The following IGF1R variants were observed in gnomAD, a reference collection of about 807,000 sequenced individuals.
The protein encoded by IGF1R is insulin-like growth factor 1 receptor.
A neutral mutation model predicts 144.6 loss-of-function variants in IGF1R; 44 were observed. That is an observed-to-expected ratio of 0.30 (90% CI 0.24 to 0.39). IGF1R has a LOEUF of 0.39. Among genes scored for constraint, IGF1R ranks in the 10% least tolerant of loss-of-function variants. The pLI is 1.00. For synonymous variants in IGF1R, 795 were observed against 722.8 expected, an observed-to-expected ratio of 1.10 and a Z score of -1.60; for missense variants, 1,355 against 1,833.7, an observed-to-expected ratio of 0.74 and a Z score of 4.77.
chr15:98,907,031 G>C (rs1455606873), intron 5 of IGF1R, among the ~76,000 whole-genome samples: 1 of 152,226 alleles, frequency 6.6e-6, no homozygotes, highest in Non-Finnish European at 1.5e-5. Flanking sequence ...TCTTAAAGTA[G>C]ACAGGGAGCT....
chr15:98,926,693 A>G lies in IGF1R; in HGVS notation c.2782+2009A>G, dbSNP rs924913358. On this transcript the variant is annotated intron_variant, in intron 13 of 20. Coordinates refer to ENST00000650285, the MANE Select transcript of IGF1R (RefSeq NM_000875.5). ...TCCTAATACAGACAGCAAAAGCAGG[A>G]TGGGGTGAATAGAACTGCAAATCTT... Among the ~76,000 whole-genome samples, 43 of 152,362 alleles carry G rather than the reference A, an allele frequency of 2.8e-4. 1 individual carries two copies. Among genetic ancestry groups the G allele is most frequent in the African/African-American group, 1.0e-3 (43 of 41,584 alleles).
At chr15:98,885,392 A>G (rs1185167200) in intron 2 of IGF1R, among the ~76,000 whole-genome samples, 2 of 151,712 alleles carry the variant, frequency 1.3e-5, no homozygotes, top group Non-Finnish European at 2.9e-5. Context: ...GCTTGCCCTC[A>G]CCCCTCTCCC....
intron 2 of IGF1R, among the ~76,000 whole-genome samples, chr15:98,776,766 T>C (rs1041126820): frequency 2.6e-5 from 4 of 152,120 alleles, no homozygotes; most frequent in African/African-American, 9.7e-5. Flanking sequence ...AGCAGCTGTT[T>C]GGTCTGTGCC....
rs2012760839 is a variant in IGF1R, at chr15:98,871,113, C to T, written c.641-20212C>T. On this transcript the variant is annotated intron_variant, in intron 2 of 20. Coordinates refer to ENST00000650285, the MANE Select transcript of IGF1R (RefSeq NM_000875.5). ...ATGTTCTTGCTTGCAACTCAGATAT[C>T]CAGCCCACTGATCCAGGAAGAGATT... Among the ~76,000 whole-genome samples, 4 of 152,230 alleles carry T rather than the reference C, an allele frequency of 2.6e-5. No individual in the cohort carries two copies. The South Asian group carries it at 6.2e-4, about 24-fold the overall frequency.
intron 17 of IGF1R, among the ~76,000 whole-genome samples, chr15:98,937,550 A>C (rs935994455): frequency 6.6e-6 from 1 of 152,212 alleles, no homozygotes; most frequent in East Asian, 1.9e-4. Flanking sequence ...AAGTATTAAA[A>C]TGTGTGCACT....
At chr15:98,857,495 A>T (rs1381471783) in intron 2 of IGF1R, among the ~76,000 whole-genome samples, 2 of 152,248 alleles carry the variant, frequency 1.3e-5, no homozygotes, top group Non-Finnish European at 2.9e-5. Context: ...CTGGGATTAC[A>T]GGCGTGAGCC....
intron 1 of IGF1R, among the ~76,000 whole-genome samples, chr15:98,657,743 C>T (rs1248030704): frequency 6.6e-6 from 1 of 152,224 alleles, no homozygotes; most frequent in Non-Finnish European, 1.5e-5. Context: ...GATTTTCTTT[C>T]TCACATGCAC....
At chr15:98,803,598 A>T (rs943448421) in intron 2 of IGF1R, among the ~76,000 whole-genome samples, 2 of 151,730 alleles carry the variant, frequency 1.3e-5, no homozygotes, top group Non-Finnish European at 2.9e-5. Context: ...CTCGACCGCC[A>T]AGGCTCAAGC....
chr15:98,880,870 C>T (rs1294682424), intron 2 of IGF1R: 1 of 152,184 alleles, frequency 6.6e-6, no homozygotes, highest in Admixed American at 6.5e-5. Flanking sequence ...GCAAATATAA[C>T]CATATGTAAG....
At chr15:98,669,884 A>AAT (rs1222672078) in intron 1 of IGF1R, among the ~76,000 whole-genome samples, 2 of 152,158 alleles carry the variant, frequency 1.3e-5, no homozygotes, top group Non-Finnish European at 2.9e-5. Context: ...GTGCACTGAT[A>AAT]AGAGCATGGG....
chr15:98,834,762 A>G (rs1348768337), intron 2 of IGF1R, among the ~76,000 whole-genome samples: 1 of 152,196 alleles, frequency 6.6e-6, no homozygotes, highest in Non-Finnish European at 1.5e-5. Context: ...GCCCCTGGAC[A>G]TGGAAGGGTT....
At position 98,704,722 on chromosome 15, in the gene IGF1R, C is replaced by T. The variant is rs936083815; in HGVS notation, c.95-2840C>T. Among the ~76,000 whole-genome samples, 4 of 151,994 alleles carry T rather than the reference C, an allele frequency of 2.6e-5. No individual in the cohort carries two copies. The highest frequency in any genetic ancestry group is 1.3e-4 in the Admixed American group (2 of 15,264). On this transcript the variant is annotated intron_variant, in intron 1 of 20. Transcript: ENST00000650285. This position sits in a 1 kb window ranked among gnomAD's most constrained non-coding sequence, Gnocchi z 4.9. ...GTGAGAGAGACCATGAAAAGAAGGG[C>T]CAGAGCGGTGTCCTGCAGAGGGTGG...
intron 3 of IGF1R, among the ~76,000 whole-genome samples, chr15:98,892,611 G>T (rs1257149736): frequency 6.6e-6 from 1 of 151,428 alleles, no homozygotes; most frequent in Non-Finnish European, 1.5e-5. Flanking sequence ...CTATAAATTT[G>T]TCATTGGTTT....
At chr15:98,895,102 G>T (rs896472015) in intron 3 of IGF1R, among the ~76,000 whole-genome samples, 1 of 151,952 alleles carries the variant, frequency 6.6e-6, no homozygotes, top group Non-Finnish European at 1.5e-5. Flanking sequence ...GGACTAGGTT[G>T]GGCAGGGCAG....
At chr15:98,786,088 C>G (rs1051595583) in intron 2 of IGF1R, among the ~76,000 whole-genome samples, 2 of 152,194 alleles carry the variant, frequency 1.3e-5, no homozygotes, top group East Asian at 1.9e-4. Context: ...ACGTGCACTC[C>G]TAGGCTTCAG....
chr15:98,813,909 A>G (rs1279708536), intron 2 of IGF1R, among the ~76,000 whole-genome samples: 1 of 152,252 alleles, frequency 6.6e-6, no homozygotes, highest in Non-Finnish European at 1.5e-5. Context: ...AATTGTATTA[A>G]TAATTGGAGA....
intron 2 of IGF1R, among the ~76,000 whole-genome samples, chr15:98,741,329 T>G (rs1046922385): frequency 2.0e-5 from 3 of 151,760 alleles, no homozygotes; most frequent in Non-Finnish European, 4.4e-5. Flanking sequence ...CCAGAAACTT[T>G]TAGATGCTAC....
chr15:98,918,145 G>C (rs2015330144), intron 10 of IGF1R, among the ~76,000 whole-genome samples: 2 of 152,142 alleles, frequency 1.3e-5, no homozygotes, highest in South Asian at 4.1e-4. Flanking sequence ...CCCTCTTCCT[G>C]TAAGATTATA....
At chr15:98,920,277 C>G (rs1233497702) in intron 10 of IGF1R, among the ~76,000 whole-genome samples, 2 of 152,196 alleles carry the variant, frequency 1.3e-5, no homozygotes, top group African/African-American at 4.8e-5. Flanking sequence ...TCCTGCCTTC[C>G]AGATAATGTT....
Sources: allele counts gnomAD v4.1 joint callset (sites outside exome capture counted in the v4.1 genomes callset), GRCh38; gene constraint gnomAD v4.1.1; non-coding constraint Gnocchi (gnomAD v3.1); transcripts MANE v1.5; gene names NCBI Gene and HGNC (gene_info 2026-07-23, HGNC 2026-07-21).